The following KIF1B variants were observed in gnomAD, a reference collection of about 807,000 sequenced individuals.
The protein encoded by KIF1B is kinesin-like protein KIF1B.
A neutral mutation model predicts 241.9 loss-of-function variants in KIF1B; 76 were observed. That is an observed-to-expected ratio of 0.31 (90% confidence interval 0.26 to 0.38). The LOEUF (loss-of-function observed/expected upper bound fraction) is 0.38. Among genes scored for constraint, KIF1B ranks in the 10% least tolerant of loss-of-function variants. KIF1B has a pLI of 1.00. For synonymous variants in KIF1B, 750 were observed against 796.7 expected (o/e 0.94, Z 0.99); for missense variants, 1,622 against 2,271.4 (o/e 0.71, Z 5.81).
intron 1 of KIF1B, among the ~76,000 whole-genome samples, chr1:10,212,971 G>A (rs926317370): frequency 6.9e-6 from 1 of 144,082 alleles, no homozygotes; most frequent in Admixed American, 7.1e-5. Flanking sequence ...CTTTTGCTAA[G>A]CAAGGTCTTA....
intron 18 of KIF1B, 101 bp downstream of exon 18, chr1:10,295,266 C>T (rs1650205465): frequency 1.3e-6 from 1 of 797,348 alleles, no homozygotes; most frequent in Admixed American, 1.9e-5. Context: ...TAATGATTTG[C>T]TGTATTTTTT....
intron 15 of KIF1B, among the ~76,000 whole-genome samples, chr1:10,286,817 C>T (rs1225101580): frequency 6.6e-6 from 1 of 152,046 alleles, no homozygotes; most frequent in East Asian, 1.9e-4. Flanking sequence ...AAGAAGAGTT[C>T]CTGGTGTCCC....
intron 1 of KIF1B, among the ~76,000 whole-genome samples, chr1:10,212,046 A>G (rs1277100876): frequency 1.3e-5 from 2 of 152,184 alleles, no homozygotes; most frequent in Non-Finnish European, 2.9e-5. Context: ...ATCTCGAGGT[A>G]GCTGAAATTA....
chr1:10,278,092 C>G lies in KIF1B; in HGVS notation c.1144C>G (p.Leu382Val). 1 of 1,614,030 alleles carries G rather than the reference C, an allele frequency of 6.2e-7. No individual in the cohort carries two copies. Among genetic ancestry groups the G allele is most frequent in the Admixed American group, 1.7e-5 (1 of 60,014 alleles). ...LKEEVTRLKD[L>V]LRAQGLGDII... ...GGAGGAGGTGACACGGCTGAAGGACCTTCTTCGTGCTCAGGGCCTGGGAGA... is the reference window on the plus strand; with the variant it reads ...GGAGGAGGTGACACGGCTGAAGGACGTTCTTCGTGCTCAGGGCCTGGGAGA... Residue 382 changes from leucine (L) to valine (V), a missense_variant, in exon 13 of 49, where the codon CTT (leucine) becomes GTT (valine). Around this residue, in one of 7 missense-constraint regions of KIF1B, gnomAD observed 201 missense variants for 301.2 expected, o/e 0.67. Coordinates refer to ENST00000676179, the MANE Select transcript of KIF1B (RefSeq NM_001365951.3).
chr1:10,248,033 C>T (rs1006380095), intron 2 of KIF1B, among the ~76,000 whole-genome samples: 1 of 152,192 alleles, frequency 6.6e-6, no homozygotes, highest in Non-Finnish European at 1.5e-5. Context: ...CCTGTGTGGC[C>T]TGGTTCCTAA....
intron 33 of KIF1B, 127 bp from the exon 34 acceptor site, chr1:10,343,105 C>A: frequency 1.1e-6 from 1 of 925,588 alleles, no homozygotes; most frequent in Non-Finnish European, 1.7e-6. Context: ...CTTTTACGTA[C>A]ATTCTCACTC....
At chr1:10,298,390 G>A (rs1231488751) in intron 22 of KIF1B, among the ~76,000 whole-genome samples, 1 of 152,178 alleles carries the variant, frequency 6.6e-6, no homozygotes, top group Non-Finnish European at 1.5e-5. Context: ...GAATACCTCA[G>A]TTCTCAGGCA....
At position 10,303,949 on chromosome 1, in the gene KIF1B, A is replaced by C; in HGVS notation, c.2115+6703A>C. The C allele has an allele frequency of 6.2e-7, 1 of 1,614,200 alleles. No homozygotes were observed. The highest frequency in any genetic ancestry group is 8.5e-7 in the Non-Finnish European group (1 of 1,180,040). On this transcript the variant is annotated intron_variant, in intron 22 of 48. Coordinates refer to ENST00000676179, the MANE Select transcript of KIF1B (RefSeq NM_001365951.3). This position sits in a 1 kb window ranked among gnomAD's most constrained non-coding sequence, Gnocchi z 5.2. The stretch of plus-strand genomic sequence containing the variant: ...TTTTAGACGTGGACGTCTGCGCTGG[A>C]TGAGGCAAGAGCAAATTCGGTTTAA...
intron 2 of KIF1B, among the ~76,000 whole-genome samples, chr1:10,253,686 A>T (rs1323370401): frequency 6.6e-6 from 1 of 152,152 alleles, no homozygotes; most frequent in Non-Finnish European, 1.5e-5. Flanking sequence ...TATGGCTCAG[A>T]GTAAGTGTTC....
chr1:10,238,946 T>A (rs1647096113), intron 2 of KIF1B, among the ~76,000 whole-genome samples: 1 of 152,036 alleles, frequency 6.6e-6, no homozygotes, highest in Non-Finnish European at 1.5e-5. Context: ...TTCTTTCAGT[T>A]TTTTTGTTTT....
chr1:10,275,602 A>G, intron 11 of KIF1B, 99 bp downstream of exon 11: 1 of 798,036 alleles, frequency 1.3e-6, no homozygotes, highest in South Asian at 1.3e-5. Context: ...TAATCTCTAG[A>G]TATTCATGTT....
chr1:10,242,041 GTT>G (rs1248842619), intron 2 of KIF1B, among the ~76,000 whole-genome samples: 9 of 152,160 alleles, frequency 5.9e-5, no homozygotes, highest in Admixed American at 5.2e-4. Flanking sequence ...TAGTTGTGGT[GTT>G]TAGGGATGAA....
chr1:10,305,546 CAT>C, intron 22 of KIF1B: 1 of 1,059,690 alleles, frequency 9.4e-7, no homozygotes, highest in Non-Finnish European at 1.1e-6. Flanking sequence ...AAAGCTACAG[CAT>C]ATGGCTCTGT....
At chr1:10,262,342 G>C (rs1648197881) in intron 5 of KIF1B, among the ~76,000 whole-genome samples, 1 of 152,108 alleles carries the variant, frequency 6.6e-6, no homozygotes, top group African/African-American at 2.4e-5. Context: ...TAGAGATGGA[G>C]TTTCCCTATG....
chr1:10,297,874 T>C (rs759774672), intron 22 of KIF1B, among the ~76,000 whole-genome samples: 19 of 152,220 alleles, frequency 1.2e-4, no homozygotes, highest in Non-Finnish European at 2.9e-5. Context: ...GAAGGCTTGC[T>C]TCCTTTGAGG....
At chr1:10,229,103 C>T (rs1646945807) in intron 1 of KIF1B, among the ~76,000 whole-genome samples, 1 of 152,106 alleles carries the variant, frequency 6.6e-6, no homozygotes, top group African/African-American at 2.4e-5. Flanking sequence ...CATTCATTCT[C>T]TTGGCATAGT....
chr1:10,240,149 G>A (rs577695536), intron 2 of KIF1B, among the ~76,000 whole-genome samples: 18 of 152,014 alleles, frequency 1.2e-4, no homozygotes, highest in Non-Finnish European at 2.1e-4. Flanking sequence ...TGATCCGCCC[G>A]CCTCAGCCTC....
chr1:10,256,397 T>G, intron 3 of KIF1B, 74 bp downstream of exon 3: 1 of 1,035,670 alleles, frequency 9.7e-7, no homozygotes, highest in Non-Finnish European at 1.5e-6. Flanking sequence ...GTCTTTTCTC[T>G]TAGCTGAGCA....
chr1:10,351,029 A>C (rs1302206481), intron 37 of KIF1B, among the ~76,000 whole-genome samples: 1 of 148,204 alleles, frequency 6.7e-6, no homozygotes, highest in Non-Finnish European at 1.5e-5. Context: ...TCGAGGCTGC[A>C]GTGAACCATG....
Sources: allele counts gnomAD v4.1 joint callset (sites outside exome capture counted in the v4.1 genomes callset), GRCh38; gene constraint gnomAD v4.1.1; regional missense constraint gnomAD v4.1.1; non-coding constraint Gnocchi (gnomAD v3.1); transcripts MANE v1.5; gene names NCBI Gene and HGNC (gene_info 2026-07-23, HGNC 2026-07-21).